The following LHX1 variants were observed in gnomAD, a reference collection of about 807,000 sequenced individuals.
LHX1 encodes LIM/homeobox protein Lhx1.
LHX1 carries 9 observed loss-of-function variants against 34.1 expected under a neutral mutation model. The ratio of observed to expected loss-of-function variants is 0.26; its 90% CI spans 0.16 to 0.46. The LOEUF (loss-of-function observed/expected upper bound fraction) is 0.46. Ranked by LOEUF, LHX1 falls within the 20% of genes least tolerant of loss-of-function variation. LHX1 has a pLI of 1.00. For missense variants in LHX1, 446 were observed against 559.1 expected (o/e 0.80, Z 2.04); for synonymous variants, 254 against 241.5 (o/e 1.05, Z -0.48).
intron 3 of LHX1, 130 bp from the exon 4 acceptor site, chr17:36,942,070 T>TAC (rs950363343): frequency 8.6e-5 from 74 of 863,446 alleles, no homozygotes; most frequent in Middle Eastern, 3.5e-4. Flanking sequence ...ACCACTACCC[T>TAC]ACACACACAC....
chr17:36,940,623 T>C lies in LHX1; in HGVS notation c.411T>C (p.Ser137=), dbSNP rs772412883. 8.7e-6 allele frequency: 14 copies of C among 1,613,860 alleles called. No individual in the cohort carries two copies. The highest frequency in any genetic ancestry group is 7.7e-5 in the South Asian group (7 of 91,092). Residue 137 remains serine (S), a synonymous_variant, in exon 3 of 5, where the codon AGT becomes AGC. Coordinates refer to ENST00000614239, the MANE Select transcript of LHX1 (RefSeq NM_005568.5). The stretch of plus-strand genomic sequence containing the variant: ...TTTCCCTCTTAGCCACCACGGGCAG[T>C]GACCCCAGTTTGTCTCCGGATTCCC... ...ENSLHSATTG[S]DPSLSPDSQD... is the part of the protein sequence containing the mutation.
At position 36,938,000 on chromosome 17, in the gene LHX1, G is replaced by GT; in HGVS notation, c.-198_-197insT. On this transcript the variant is annotated 5_prime_UTR_variant, in exon 1 of 5. Transcript: ENST00000614239. Reference sequence around the variant, plus strand: ...CCCCGGCTGCACACTTCACTGAGACGCCCCCCCAGGCCCCGATCAGCCTCG... The same window carrying GT: ...CCCCGGCTGCACACTTCACTGAGACGTCCCCCCCAGGCCCCGATCAGCCTCG... 1.6e-6 allele frequency: 1 copy of GT among 616,040 alleles called. No homozygotes were observed. The highest frequency in any genetic ancestry group is 2.9e-6 in the Non-Finnish European group (1 of 348,506). The allele number at this position is 616,040 out of a possible 1,614,324, so 38.2% of individuals were successfully genotyped here. A position where few individuals can be genotyped will look rare whatever the true frequency, so the allele number is the denominator to read the frequency against.
In LHX1 at chr17:36,938,158, C is replaced by T. The variant is rs772268779; in HGVS notation, c.-40C>T. ...GTCATCCCCTGGGCTCTACTTTGCC[C>T]CTCTCTCTCTCTGGGCCTCATCAGA... is the stretch of plus-strand genomic sequence containing the variant. On this transcript the variant is annotated 5_prime_UTR_variant, in exon 1 of 5. Transcript: ENST00000614239. 2.5e-6 allele frequency: 4 copies of T among 1,589,978 alleles called. No individual in the cohort carries two copies. The highest frequency in any genetic ancestry group is 4.5e-5 in the East Asian group (2 of 44,632).
chr17:36,938,459 C>A lies in LHX1; in HGVS notation c.170+92C>A, dbSNP rs552825364. 397 of 1,313,140 alleles carry A rather than the reference C, an allele frequency of 3.0e-4. 5 individuals carry two copies. The South Asian group carries it at 4.3e-3, about 14-fold the overall frequency. The allele number at this position is 1,313,140 out of a possible 1,614,324, so 81.3% of individuals were successfully genotyped here. On this transcript the variant is annotated intron_variant, in intron 1 of 4. Transcript: ENST00000614239. The stretch of plus-strand genomic sequence containing the variant: ...CAGAGGTTAGCGTGGCCTCGCTGCC[C>A]AGTTAGGAACTGCTTCTAGAGAGGG...
chr17:36,942,990 C>A lies in LHX1; in HGVS notation c.1080C>A (p.Ser360Arg), dbSNP rs1293290539. 1.2e-6 allele frequency: 2 copies of A among 1,611,254 alleles called. No homozygotes were observed. The highest frequency in any genetic ancestry group is 1.7e-6 in the Non-Finnish European group (2 of 1,179,202). The stretch of plus-strand genomic sequence containing the variant: ...GGGACTCGCCCAGCCCCGAGCCCAG[C>A]CTGCCCGGGCCTCTGCACTCCATGT... ...PPGDSPSPEP[S>R]LPGPLHSMSA... Residue 360 changes from serine (S) to arginine (R), a missense_variant, in exon 5 of 5, where the codon AGC becomes AGA. By Grantham distance (110) the Ser-to-Arg change is moderately radical (BLOSUM62 -1). This residue lies in a region of LHX1 where 235 missense variants were observed against 224.4 expected (regional missense o/e 1.05). Transcript: ENST00000614239.
In LHX1 at chr17:36,943,199, A is replaced by AAG. The variant is rs2070779909; in HGVS notation, c.*69_*70insGA. ...TGAACCTTTATTTAAGAAAAATAGA[A>AAG]AAAAAAAAACATAAAAAGCAAGTCC... On this transcript the variant is annotated 3_prime_UTR_variant, in exon 5 of 5. Coordinates refer to ENST00000614239, the MANE Select transcript of LHX1 (RefSeq NM_005568.5). 11 of 1,443,728 alleles carry AAG rather than the reference A, an allele frequency of 7.6e-6. No individual in the cohort carries two copies. The highest frequency in any genetic ancestry group is 6.6e-5 in the South Asian group (5 of 76,138). 89.4% of individuals were successfully genotyped at this position (1,443,728 alleles called of 1,614,324 possible). A position where few individuals can be genotyped will look rare whatever the true frequency, so the allele number is the denominator to read the frequency against.
upstream of LHX1, chr17:36,937,376 C>G: frequency 3.0e-6 from 1 of 335,012 alleles, no homozygotes; most frequent in Non-Finnish European, 5.9e-6. Context: ...GGAGCGAGTG[C>G]GCCTGGCTGC....
rs1050715890 is a variant in LHX1 at position 36,937,639 on chromosome 17, T to C, written c.-559T>C. 2.9e-5 allele frequency: 10 copies of C among 339,786 alleles called. No individual in the cohort carries two copies. The highest frequency in any genetic ancestry group is 5.2e-5 in the Non-Finnish European group (9 of 172,430). 21.0% of individuals were successfully genotyped at this position (339,786 alleles called of 1,614,324 possible). A position where few individuals can be genotyped will look rare whatever the true frequency, so the allele number is the denominator to read the frequency against. On this transcript the variant is annotated 5_prime_UTR_variant, in exon 1 of 5. Coordinates refer to ENST00000614239, the MANE Select transcript of LHX1 (RefSeq NM_005568.5). ...CTCCTTTTGTTCTTTCCTTCCCTTT[T>C]TTAAAAAAAGAGGGGGGAAATCCCA...
At position 36,942,809 on chromosome 17, in the gene LHX1, C is replaced by G. The variant is rs768496918; in HGVS notation, c.899C>G (p.Pro300Arg). ...AACTACGACTTCTTCCCGCAAGGCC[C>G]CCCGTCCTCGCAGGCCCAGACACCA... ...GGNYDFFPQG[P>R]PSSQAQTPVD... The change falls in exon 5 of 5, where the codon CCC (proline) becomes CGC (arginine). Residue 300 changes from proline (P) to arginine (R), a missense_variant. Physicochemically the swap from Pro to Arg is moderately radical, Grantham distance 103 (BLOSUM62 -2). Around this residue, in one of 3 missense-constraint regions of LHX1, gnomAD observed 235 missense variants for 224.4 expected, o/e 1.05. Transcript: ENST00000614239. 17 of 1,554,954 alleles carry G rather than the reference C, an allele frequency of 1.1e-5. No individual in the cohort carries two copies. The Admixed American group carries it at 1.7e-4, about 15-fold the overall frequency.
chr17:36,937,534 TC>T lies in LHX1; in HGVS notation c.-659del. 1 of 308,018 alleles carries T rather than the reference TC, an allele frequency of 3.2e-6. No individual in the cohort carries two copies. The highest frequency in any genetic ancestry group is 6.4e-6 in the Non-Finnish European group (1 of 156,952). 19.1% of individuals were successfully genotyped at this position (308,018 alleles called of 1,614,324 possible). On this transcript the variant is annotated 5_prime_UTR_variant, in exon 1 of 5. Transcript: ENST00000614239. ...TCTCCCGCGGTCGGCCCTCGCCCCC[TC>T]CCCCAGGCCCAGCGCGGGCGCTCGG...
At position 36,943,291 on chromosome 17, in the gene LHX1, C is replaced by A; in HGVS notation, c.*160C>A. The A allele has an allele frequency of 4.6e-6, 4 of 876,120 alleles. No individual in the cohort carries two copies. The highest frequency in any genetic ancestry group is 3.6e-4 in the Middle Eastern group (1 of 2,784). The allele number at this position is 876,120 out of a possible 1,614,324, so 54.3% of individuals were successfully genotyped here. The stretch of plus-strand genomic sequence containing the variant: ...GGAGACCGGATGGAAAAGGGGGACA[C>A]GAAATAGGATCCAAATCGGCCTCGA... On this transcript the variant is annotated 3_prime_UTR_variant, in exon 5 of 5. Coordinates refer to ENST00000614239, the MANE Select transcript of LHX1 (RefSeq NM_005568.5).
At position 36,943,299 on chromosome 17, in the gene LHX1, G is replaced by T. The variant is rs1050741235; in HGVS notation, c.*168G>T. 4.8e-6 allele frequency: 4 copies of T among 826,532 alleles called. No homozygotes were observed. Among genetic ancestry groups the T allele is most frequent in the African/African-American group, 3.5e-5 (2 of 57,334 alleles). 51.2% of individuals were successfully genotyped at this position (826,532 alleles called of 1,614,324 possible). A position where few individuals can be genotyped will look rare whatever the true frequency, so the allele number is the denominator to read the frequency against. Reference sequence around the variant, plus strand: ...GATGGAAAAGGGGGACACGAAATAGGATCCAAATCGGCCTCGAGGTGGGAC... The same window carrying T: ...GATGGAAAAGGGGGACACGAAATAGTATCCAAATCGGCCTCGAGGTGGGAC... On this transcript the variant is annotated 3_prime_UTR_variant, in exon 5 of 5. Coordinates refer to ENST00000614239, the MANE Select transcript of LHX1 (RefSeq NM_005568.5).
At position 36,943,196 on chromosome 17, in the gene LHX1, A is replaced by G; in HGVS notation, c.*65A>G. On this transcript the variant is annotated 3_prime_UTR_variant, in exon 5 of 5. Transcript: ENST00000614239. ...AAATGAACCTTTATTTAAGAAAAAT[A>G]GAAAAAAAAAAACATAAAAAGCAAG... The G allele has an allele frequency of 7.1e-7, 1 of 1,402,886 alleles. No homozygotes were observed. Among genetic ancestry groups the G allele is most frequent in the Non-Finnish European group, 9.3e-7 (1 of 1,072,322 alleles). The allele number at this position is 1,402,886 out of a possible 1,614,324, so 86.9% of individuals were successfully genotyped here.
At chr17:36,940,588 T>G (rs1158539738) in intron 2 of LHX1, 22 bp from the exon 3 acceptor site, 2 of 1,613,436 alleles carry the variant, frequency 1.2e-6, no homozygotes, top group East Asian at 2.2e-5. Flanking sequence ...AGGCCCCGGC[T>G]CATCTGTCCT....
chr17:36,942,476 G>C, intron 4 of LHX1, 111 bp downstream of exon 4: 1 of 1,176,446 alleles, frequency 8.5e-7, no homozygotes, highest in Admixed American at 2.4e-5. Flanking sequence ...TGGAGAGTTG[G>C]GGCGAGTAGG....
chr17:36,943,065 C>T lies in LHX1; in HGVS notation c.1155C>T (p.Asn385=), dbSNP rs1175381715. Residue 385 remains asparagine (N), a synonymous_variant, in exon 5 of 5, where the codon AAC becomes AAT. Transcript: ENST00000614239. ...CGCCCTTCTCGTCGCTGTCGGTCAA[C>T]GGTGGGGCGAGCTACGGAAACCACC... ...PSPPFSSLSV[N]GGASYGNHLS... 4 of 1,609,240 alleles carry T rather than the reference C, an allele frequency of 2.5e-6. No homozygotes were observed. The highest frequency in any genetic ancestry group is 3.4e-6 in the Non-Finnish European group (4 of 1,177,478).
At position 36,942,920 on chromosome 17, in the gene LHX1, C is replaced by G; in HGVS notation, c.1010C>G (p.Ser337Trp). The G allele has an allele frequency of 6.2e-7, 1 of 1,602,720 alleles. No individual in the cohort carries two copies. Among genetic ancestry groups the G allele is most frequent in the Non-Finnish European group, 8.5e-7 (1 of 1,175,010 alleles). The change falls in exon 5 of 5, where the codon TCG becomes TGG. Residue 337 changes from serine to tryptophan, a missense_variant. Physicochemically the swap from Ser to Trp is radical, Grantham distance 177 (BLOSUM62 -3). This residue lies in a region of LHX1 where 235 missense variants were observed against 224.4 expected (regional missense o/e 1.05). Coordinates refer to ENST00000614239, the MANE Select transcript of LHX1 (RefSeq NM_005568.5). Reference protein sequence around the residue: ...LEHPLPGHHPSSEAQRFTDIL... With the variant: ...LEHPLPGHHPWSEAQRFTDIL... ...CACCCGCTGCCGGGCCACCACCCGT[C>G]GAGCGAGGCGCAGCGGTTTACCGAC...
chr17:36,941,683 G>C (rs1260956598), intron 3 of LHX1, among the ~76,000 whole-genome samples: 2 of 152,264 alleles, frequency 1.3e-5, no homozygotes, highest in Non-Finnish European at 2.9e-5. Context: ...GTGTGTCTGT[G>C]TCACTATTGG....
At chr17:36,940,258 C>CGGGGGGGGGGGGGGG in intron 1 of LHX1, 32 bp from the exon 2 acceptor site, 7 of 528,872 alleles carry the variant, frequency 1.3e-5, no homozygotes, top group Non-Finnish European at 1.7e-5. Flanking sequence ...GACCCATCCC[C>CGGGGGGGGGGGGGGG]GCCCCCGCCC....
Sources: allele counts gnomAD v4.1 joint callset (sites outside exome capture counted in the v4.1 genomes callset), GRCh38; gene constraint gnomAD v4.1.1; regional missense constraint gnomAD v4.1.1; transcripts MANE v1.5; gene names NCBI Gene and HGNC (gene_info 2026-07-23, HGNC 2026-07-21).